Variants in IFT74 observed in about 807,000 individuals in gnomAD.
IFT74 encodes intraflagellar transport protein 74 homolog.
A neutral mutation model predicts 96.7 loss-of-function variants in IFT74; 92 were observed. That is an observed-to-expected ratio of 0.95 (90% confidence interval 0.80 to 1.13). IFT74 has a LOEUF of 1.13. Among genes scored for constraint, IFT74 ranks in the 50% most tolerant of loss-of-function variants. IFT74 has a pLI of 0.00. For missense variants in IFT74, 811 were observed against 698.2 expected, an observed-to-expected ratio of 1.16 and a Z score of -1.82; for synonymous variants, 223 against 213.2, an observed-to-expected ratio of 1.05 and a Z score of -0.40.
At chr9:26,986,699 T>C (rs1485929911) in intron 6 of IFT74, among the ~76,000 whole-genome samples, 2 of 152,312 alleles carry the variant, frequency 1.3e-5, no homozygotes, top group East Asian at 3.9e-4. Flanking sequence ...TGTAGTTCAC[T>C]GCAGCCTCAA....
intron 10 of IFT74, among the ~76,000 whole-genome samples, chr9:27,014,444 A>G (rs961611771): frequency 6.6e-6 from 1 of 152,166 alleles, no homozygotes; most frequent in Non-Finnish European, 1.5e-5. Context: ...CATAGGAAAA[A>G]TCATAAGCTA....
rs1186042692 is a variant in IFT74, at chr9:27,021,134, TATATATATGTATGTATATGTATAA to T, written c.974+2479_974+2502del. Reference sequence around the variant, plus strand: ...TTTTTATGGCTGAGTAGAATAAACATATATATATGTATGTATATGTATAAATATATATGTATGTATATGTATAAA... The same window carrying T: ...TTTTTATGGCTGAGTAGAATAAACATATATATATGTATGTATATGTATAAA... On this transcript the variant is annotated intron_variant, in intron 12 of 19. Transcript: ENST00000380062. Among the ~76,000 whole-genome samples, 6 of 152,196 alleles carry T rather than the reference TATATATATGTATGTATATGTATAA, an allele frequency of 3.9e-5. No individual in the cohort carries two copies. The East Asian group carries it at 5.8e-4, about 15-fold the overall frequency.
In IFT74 at chr9:27,033,600, C is replaced by T. The variant is rs1011579454; in HGVS notation, c.1054+4496C>T. Reference sequence around the variant, plus strand: ...AAAAAAAAAAAAAAAAAAAATGGTGCCTGGTGCACATTAAGCGCTTCTGAC... The same window carrying T: ...AAAAAAAAAAAAAAAAAAAATGGTGTCTGGTGCACATTAAGCGCTTCTGAC... On this transcript the variant is annotated intron_variant, in intron 13 of 19. Coordinates refer to ENST00000380062, the MANE Select transcript of IFT74 (RefSeq NM_025103.4). Among the ~76,000 whole-genome samples, 7 of 148,920 alleles carry T rather than the reference C, an allele frequency of 4.7e-5. 1 individual carries two copies. The highest frequency in any genetic ancestry group is 3.4e-4 in the Admixed American group (5 of 14,912).
rs1564001438 is a variant in IFT74 at position 27,048,168 on chromosome 9, G to A, written c.1227G>A (p.Gln409=). Reference sequence around the variant, plus strand: ...TGCAGAATATAAATCGTATAGAACAGATATCCTCTATCACCAATCAAGAGC... The same window carrying A: ...TGCAGAATATAAATCGTATAGAACAAATATCCTCTATCACCAATCAAGAGC... ...HCSRNINRIE[Q]ISSITNQELK... The change falls in exon 16 of 20, where the codon CAG becomes CAA. Residue 409 remains glutamine, a synonymous_variant. Transcript: ENST00000380062. 11 of 1,596,622 alleles carry A rather than the reference G, an allele frequency of 6.9e-6. No individual in the cohort carries two copies. The highest frequency in any genetic ancestry group is 8.6e-6 in the Non-Finnish European group (10 of 1,167,768).
chr9:26,984,504 A>G lies in IFT74; in HGVS notation c.410A>G (p.Glu137Gly), dbSNP rs1262896406. The change falls in exon 6 of 20, where the codon GAG (glutamate) becomes GGG (glycine). Residue 137 changes from glutamate to glycine, a missense_variant. Transcript: ENST00000380062. ...TATTTATTTTATGCTTTCAGGGCTG[A>G]GACTTTAGCTGTTGAGATAAAAGAG... ...SVYLSYEKRA[E>G]TLAVEIKELQ... The G allele has an allele frequency of 6.2e-7, 1 of 1,611,840 alleles. No homozygotes were observed. Among genetic ancestry groups the G allele is most frequent in the Non-Finnish European group, 8.5e-7 (1 of 1,178,450 alleles).
Position 26,990,132 on chromosome 9 carries a change from A to C in IFT74, c.526-2A>C, listed in dbSNP as rs1185584599. 4 of 1,493,904 alleles carry C rather than the reference A, an allele frequency of 2.7e-6. No individual in the cohort carries two copies. The African/African-American group carries it at 5.8e-5, about 21-fold the overall frequency. 92.5% of individuals were successfully genotyped at this position (1,493,904 alleles called of 1,614,324 possible). ...ACTAACTTATGTGTTAACTTTATTC[A>C]GCTTAAAGCTCAAAATGATCGAGAA... On this transcript the variant is annotated splice_acceptor_variant, in intron 7 of 19. Transcript: ENST00000380062. LOFTEE classifies it high-confidence loss of function.
intron 8 of IFT74, chr9:26,997,956 G>A (rs944683606): frequency 6.2e-7 from 1 of 1,613,702 alleles, no homozygotes; most frequent in African/African-American, 1.3e-5. Context: ...AACTGTTTTA[G>A]TTTATTTAAG....
At chr9:26,965,656 A>G (rs1044752552) in intron 2 of IFT74, among the ~76,000 whole-genome samples, 5 of 152,120 alleles carry the variant, frequency 3.3e-5, no homozygotes, top group African/African-American at 1.2e-4. Context: ...ATTTGTATGT[A>G]TTCATGGGGT....
intron 12 of IFT74, among the ~76,000 whole-genome samples, chr9:27,021,302 A>C (rs1829590548): frequency 6.6e-6 from 1 of 152,130 alleles, no homozygotes. Context: ...ATGCGTGTGC[A>C]AGTGTCTTTT....
upstream of IFT74, among the ~76,000 whole-genome samples, chr9:26,953,755 C>CTGCCTTGGCCTCAGTGACCCTCT (rs1404063376): frequency 6.6e-6 from 1 of 152,180 alleles, no homozygotes; most frequent in African/African-American, 2.4e-5. Context: ...AGTGACCCTC[C>CTGCCTTGGCCTCAGTGACCCTCT]TGCCTTGGCC....
intron 8 of IFT74, chr9:26,995,679 C>A (rs374788976): frequency 6.2e-7 from 1 of 1,613,784 alleles, no homozygotes; most frequent in South Asian, 1.1e-5. Flanking sequence ...CCAGTAAAAC[C>A]ATCTTCATAG....
intron 13 of IFT74, among the ~76,000 whole-genome samples, chr9:27,037,092 CA>C (rs1347172817): frequency 2.6e-5 from 4 of 151,850 alleles, no homozygotes; most frequent in Non-Finnish European, 5.9e-5. Flanking sequence ...TGGTGGTGGG[CA>C]CCTGTAATCC....
chr9:26,972,095 G>A (rs1480437955), intron 2 of IFT74, among the ~76,000 whole-genome samples: 1 of 152,128 alleles, frequency 6.6e-6, no homozygotes, highest in Admixed American at 6.5e-5. Context: ...CCTTTGTATG[G>A]TAATCAATTA....
chr9:27,014,676 C>T (rs745431401), intron 10 of IFT74, among the ~76,000 whole-genome samples: 3 of 152,180 alleles, frequency 2.0e-5, no homozygotes, highest in Non-Finnish European at 4.4e-5. Flanking sequence ...GTGGCACAGT[C>T]TTGGCTCACT....
At chr9:27,019,211 C>G (rs944585395) in intron 12 of IFT74, among the ~76,000 whole-genome samples, 2 of 152,120 alleles carry the variant, frequency 1.3e-5, no homozygotes, top group Non-Finnish European at 2.9e-5. Context: ...CCCATCTCAG[C>G]TTCCCAAAGA....
intron 12 of IFT74, among the ~76,000 whole-genome samples, chr9:27,019,036 G>T (rs2131621950): frequency 6.6e-6 from 1 of 152,156 alleles, no homozygotes; most frequent in South Asian, 2.1e-4. Context: ...CAAGTGGCAT[G>T]ATATAGCTCA....
intron 8 of IFT74, among the ~76,000 whole-genome samples, chr9:27,002,965 A>G (rs1828579218): frequency 6.6e-6 from 1 of 151,862 alleles, no homozygotes; most frequent in African/African-American, 2.4e-5. Context: ...AGTTTCTTTC[A>G]TCAGTGTTTT....
rs1309138844 is a variant in IFT74, at chr9:26,962,044, C to T, written c.77C>T (p.Ser26Phe). Residue 26 changes from serine to phenylalanine, a missense_variant, in exon 2 of 20, where the codon TCT (serine) becomes TTT (phenylalanine). Ser to Phe is a radical substitution (Grantham distance 155). Coordinates refer to ENST00000380062, the MANE Select transcript of IFT74 (RefSeq NM_025103.4). ...GGVGLTGRPP[S>F]GIRPLSGNIR... ...GTTGGGTTAACAGGAAGGCCTCCTT[C>T]TGGGATACGACCCCTATCAGGAAAT... The T allele has an allele frequency of 1.2e-6, 2 of 1,614,064 alleles. No individual in the cohort carries two copies. The highest frequency in any genetic ancestry group is 2.7e-5 in the African/African-American group (2 of 74,924).
chr9:26,967,741 G>A (rs1016709292), intron 2 of IFT74, among the ~76,000 whole-genome samples: 2 of 152,072 alleles, frequency 1.3e-5, no homozygotes, highest in Admixed American at 6.6e-5. Flanking sequence ...GTCATATATA[G>A]CTTTTATTGT....
Sources: gnomAD v4.1 joint callset for allele counts (sites outside exome capture counted in the v4.1 genomes callset) on GRCh38, gnomAD v4.1.1 for gene constraint, MANE v1.5 for transcripts, NCBI Gene and HGNC (gene_info 2026-07-23, HGNC 2026-07-21) for gene names.